The following CACNA2D1 variants were observed in gnomAD, a reference collection of about 807,000 sequenced individuals.
The protein encoded by CACNA2D1 is calcium voltage-gated channel auxiliary subunit alpha2delta 1.
Under a neutral mutation model 171.5 loss-of-function variants are expected in CACNA2D1, and 53 were observed. The ratio of observed to expected loss-of-function variants is 0.31; its 90% CI spans 0.25 to 0.39. The LOEUF (loss-of-function observed/expected upper bound fraction) is 0.39, where lower values mean the gene tolerates loss of function less well. Ranked by LOEUF, CACNA2D1 falls within the 10% of genes least tolerant of loss-of-function variation. The pLI, the probability that CACNA2D1 is intolerant of heterozygous loss-of-function variation, is 1.00. For missense variants in CACNA2D1, 903 were observed against 1,299.8 expected (o/e 0.69, Z 4.69); for synonymous variants, 442 against 443.1 (o/e 1.00, Z 0.03).
At chr7:82,197,380 T>C (rs1434528223) in intron 3 of CACNA2D1, among the ~76,000 whole-genome samples, 1 of 152,110 alleles carries the variant, frequency 6.6e-6, no homozygotes, top group Non-Finnish European at 1.5e-5. Flanking sequence ...CTGATTTTTC[T>C]AATTCAAGAT....
intron 3 of CACNA2D1, among the ~76,000 whole-genome samples, chr7:82,318,983 G>A (rs79295185): frequency 1.3e-3 from 194 of 152,284 alleles, no homozygotes; most frequent in African/African-American, 3.9e-3. Context: ...CATGATAAGT[G>A]CAAGGCAGAG....
chr7:82,307,812 CT>C (rs1813924136), intron 3 of CACNA2D1, among the ~76,000 whole-genome samples: 1 of 152,110 alleles, frequency 6.6e-6, no homozygotes, highest in Non-Finnish European at 1.5e-5. Flanking sequence ...TAGATACCTT[CT>C]GTTTAAATGC....
intron 3 of CACNA2D1, among the ~76,000 whole-genome samples, chr7:82,255,529 A>T (rs75681349): frequency 0.2 from 29,719 of 152,190 alleles, 3,596 homozygotes; most frequent in Non-Finnish European, 0.26. Flanking sequence ...AAGAAAATTC[A>T]TTCCCTTAAT....
intron 21 of CACNA2D1, among the ~76,000 whole-genome samples, chr7:81,988,973 T>C (rs992225376): frequency 6.6e-6 from 1 of 152,058 alleles, no homozygotes; most frequent in African/African-American, 2.4e-5. Flanking sequence ...AAGAGGGAGA[T>C]AGAGTGTGGT....
At chr7:82,400,415 C>T (rs941830800) in intron 1 of CACNA2D1, among the ~76,000 whole-genome samples, 2 of 152,086 alleles carry the variant, frequency 1.3e-5, no homozygotes, top group Non-Finnish European at 2.9e-5. Flanking sequence ...AGAGGTCCTT[C>T]ACATCCCTTG....
At chr7:82,324,647 G>T (rs1198624533) in intron 3 of CACNA2D1, among the ~76,000 whole-genome samples, 2 of 151,976 alleles carry the variant, frequency 1.3e-5, no homozygotes, top group African/African-American at 2.4e-5. Context: ...AGTGTGTAAC[G>T]TAAGAGAGGA....
intron 3 of CACNA2D1, among the ~76,000 whole-genome samples, chr7:82,227,748 T>C (rs1802509358): frequency 6.6e-6 from 1 of 152,194 alleles, no homozygotes; most frequent in Non-Finnish European, 1.5e-5. Flanking sequence ...GTTTTTTAAC[T>C]TTAGAAAAAA....
intron 2 of CACNA2D1, among the ~76,000 whole-genome samples, chr7:82,340,609 T>C (rs890256151): frequency 6.6e-6 from 1 of 152,212 alleles, no homozygotes; most frequent in East Asian, 1.9e-4. Context: ...CATTTTCATT[T>C]CATTTATCAT....
intron 1 of CACNA2D1, among the ~76,000 whole-genome samples, chr7:82,396,548 C>T (rs543289716): frequency 1.2e-4 from 19 of 152,176 alleles, no homozygotes; most frequent in African/African-American, 4.3e-4. Flanking sequence ...ATATGTCTGC[C>T]CTAGGGACTC....
intron 38 of CACNA2D1, among the ~76,000 whole-genome samples, chr7:81,954,003 C>G (rs577669590): frequency 1.3e-5 from 2 of 152,178 alleles, no homozygotes; most frequent in Admixed American, 6.6e-5. Context: ...TCAGTTCACA[C>G]TGAAAAATGT....
chr7:82,061,719 C>T (rs76478133), intron 9 of CACNA2D1, among the ~76,000 whole-genome samples: 3 of 152,028 alleles, frequency 2.0e-5, no homozygotes, highest in Non-Finnish European at 4.4e-5. Flanking sequence ...ATCAAAGGCT[C>T]GGAGGGAGAT....
intron 3 of CACNA2D1, among the ~76,000 whole-genome samples, chr7:82,244,359 C>A (rs1008303379): frequency 2.0e-5 from 3 of 151,876 alleles, no homozygotes; most frequent in African/African-American, 7.3e-5. Flanking sequence ...TAAGACAAAA[C>A]GAAGGAAGTG....
intron 1 of CACNA2D1, among the ~76,000 whole-genome samples, chr7:82,400,829 A>C (rs572565821): frequency 0.011 from 1,714 of 151,638 alleles, 13 homozygotes; most frequent in Non-Finnish European, 0.017. Flanking sequence ...TAATATCCAG[A>C]ATCTACAATG....
At position 82,167,259 on chromosome 7, in the gene CACNA2D1, A is replaced by G. The variant is rs543575033; in HGVS notation, c.354+3291T>C. Reference sequence around the variant, plus strand: ...TTTATCTTCAAATTAACCATTTTTAAATGTTTGGTTAAAATATTGAGAAAA... The same window carrying G: ...TTTATCTTCAAATTAACCATTTTTAGATGTTTGGTTAAAATATTGAGAAAA... On this transcript the variant is annotated intron_variant, in intron 4 of 38. Transcript: ENST00000356860. Among the ~76,000 whole-genome samples, 9 of 152,166 alleles carry G rather than the reference A, an allele frequency of 5.9e-5. No individual in the cohort carries two copies. The South Asian group carries it at 1.9e-3, about 32-fold the overall frequency.
intron 21 of CACNA2D1, among the ~76,000 whole-genome samples, chr7:81,989,329 G>T (rs1797294903): frequency 6.6e-6 from 1 of 152,196 alleles, no homozygotes; most frequent in Non-Finnish European, 1.5e-5. Flanking sequence ...GGTGGGAGTT[G>T]AGTAGAGAAA....
chr7:82,209,197 A>G (rs941706495), intron 3 of CACNA2D1, among the ~76,000 whole-genome samples: 15 of 152,180 alleles, frequency 9.9e-5, no homozygotes, highest in Admixed American at 2.0e-4. Flanking sequence ...TCTGGGGGAA[A>G]TTAAACTGGG....
At chr7:82,337,358 A>G (rs1228522176) in intron 2 of CACNA2D1, among the ~76,000 whole-genome samples, 1 of 152,120 alleles carries the variant, frequency 6.6e-6, no homozygotes, top group African/African-American at 2.4e-5. Context: ...AAAGACTACA[A>G]TCATCTTTGT....
In CACNA2D1 at chr7:81,950,082, G is replaced by T; in HGVS notation, c.*310C>A. On this transcript the variant is annotated 3_prime_UTR_variant, in exon 39 of 39. Transcript: ENST00000356860. ...TATGGTTCATTAACAATTGTATGGG[G>T]AACCCTTTCACATGTAATCACCAAC... is the stretch of plus-strand genomic sequence containing the variant. 1 of 335,206 alleles carries T rather than the reference G, an allele frequency of 3.0e-6. No homozygotes were observed. The highest frequency in any genetic ancestry group is 5.4e-5 in the East Asian group (1 of 18,386). The allele number at this position is 335,206 out of a possible 1,614,324, so 20.8% of individuals were successfully genotyped here. A position where few individuals can be genotyped will look rare whatever the true frequency, so the allele number is the denominator to read the frequency against.
chr7:81,982,470 T>C, intron 24 of CACNA2D1, 97 bp downstream of exon 24: 1 of 765,806 alleles, frequency 1.3e-6, no homozygotes, highest in East Asian at 2.4e-5. Flanking sequence ...CATAATGTGA[T>C]ATGGAACTAA....
Sources: allele counts gnomAD v4.1 joint callset (sites outside exome capture counted in the v4.1 genomes callset), GRCh38; gene constraint gnomAD v4.1.1; transcripts MANE v1.5; gene names NCBI Gene and HGNC (gene_info 2026-07-23, HGNC 2026-07-21).